The following PKHD1L1 variants were observed in gnomAD, a reference collection of about 807,000 sequenced individuals.
The protein encoded by PKHD1L1 is fibrocystin-L.
A neutral mutation model predicts 462.9 loss-of-function variants in PKHD1L1; 434 were observed. The ratio of observed to expected loss-of-function variants is 0.94; its 90% confidence interval spans 0.87 to 1.02. The LOEUF (loss-of-function observed/expected upper bound fraction) is 1.02. Among genes scored for constraint, PKHD1L1 ranks in the 50% least tolerant of loss-of-function variants. PKHD1L1 has a pLI of 0.00. For synonymous variants in PKHD1L1, 1,781 were observed against 1,750.0 expected, an observed-to-expected ratio of 1.02 and a Z score of -0.44; for missense variants, 5,202 against 5,096.1, an observed-to-expected ratio of 1.02 and a Z score of -0.63.
chr8:109,530,354 T>G lies in PKHD1L1; in HGVS notation c.*264T>G, dbSNP rs1011683698. The G allele has an allele frequency of 1.8e-5, 4 of 220,540 alleles. No individual in the cohort carries two copies. The East Asian group carries it at 4.1e-4, about 23-fold the overall frequency. 13.7% of individuals were successfully genotyped at this position (220,540 alleles called of 1,614,324 possible). A position where few individuals can be genotyped will look rare whatever the true frequency, so the allele number is the denominator to read the frequency against. ...CATTTGGAAGTAGATATGACACCTC[T>G]AAGTTATTGTACCAACAAATCATAG... On this transcript the variant is annotated 3_prime_UTR_variant, in exon 78 of 78. Transcript: ENST00000378402.
chr8:109,518,403 A>T lies in PKHD1L1; in HGVS notation c.11926A>T (p.Ser3976Cys), dbSNP rs1820381264. Residue 3976 changes from serine to cysteine, a missense_variant, in exon 73 of 78, where the codon AGC becomes TGC. This residue lies in a region of PKHD1L1 where 698 missense variants were observed against 736.3 expected (regional missense o/e 0.95). Transcript: ENST00000378402. ...GATACCAAGTGACAAAATCCGTATCAGCAAAATAAGAGGGAAGAGTCTGAG... is the reference window on the plus strand; with the variant it reads ...GATACCAAGTGACAAAATCCGTATCTGCAAAATAAGAGGGAAGAGTCTGAG... Reference protein sequence around the residue: ...LKIPSDKIRISKIRGKSLRRK... With the variant: ...LKIPSDKIRICKIRGKSLRRK... 1 of 1,613,076 alleles carries T rather than the reference A, an allele frequency of 6.2e-7. No individual in the cohort carries two copies. The highest frequency in any genetic ancestry group is 1.7e-5 in the Admixed American group (1 of 59,904).
chr8:109,466,875 T>C (rs1817469934), intron 50 of PKHD1L1, 106 bp downstream of exon 50: 3 of 998,104 alleles, frequency 3.0e-6, no homozygotes, highest in Admixed American at 5.6e-5. Flanking sequence ...TTGCAAAAAG[T>C]ATAACATTTA....
In PKHD1L1 at chr8:109,443,132, A is replaced by G; in HGVS notation, c.4564+16A>G. The G allele has an allele frequency of 6.2e-7, 1 of 1,611,416 alleles. No individual in the cohort carries two copies. The highest frequency in any genetic ancestry group is 8.5e-7 in the Non-Finnish European group (1 of 1,178,170). On this transcript the variant is annotated intron_variant, in intron 36 of 77. Transcript: ENST00000378402. ...TATGCTTATGGTAAGATGGTTAAAG[A>G]TGGAAACTCTGTTACACAGGTGACC...
At chr8:109,522,972 G>T (rs1198392827) in intron 75 of PKHD1L1, 82 bp downstream of exon 75, 3 of 1,376,164 alleles carry the variant, frequency 2.2e-6, no homozygotes, top group South Asian at 3.0e-5. Context: ...ACTCATCCTG[G>T]TGTGCTGGCA....
At chr8:109,478,005 T>C (rs1818081310) in intron 53 of PKHD1L1, among the ~76,000 whole-genome samples, 1 of 152,172 alleles carries the variant, frequency 6.6e-6, no homozygotes, top group South Asian at 2.1e-4. Flanking sequence ...CATTCAGTAT[T>C]AGTCTTTAAG....
intron 59 of PKHD1L1, among the ~76,000 whole-genome samples, chr8:109,487,109 T>G (rs954723622): frequency 1.9e-4 from 29 of 151,950 alleles, no homozygotes; most frequent in Admixed American, 1.9e-3. Flanking sequence ...GTACCACAGA[T>G]CATTTATTGT....
chr8:109,446,483 A>G (rs1816148243), intron 38 of PKHD1L1, among the ~76,000 whole-genome samples: 1 of 152,238 alleles, frequency 6.6e-6, no homozygotes, highest in Non-Finnish European at 1.5e-5. Context: ...TTTAATGAAG[A>G]ACTCATTAAA....
chr8:109,401,518 G>C lies in PKHD1L1; in HGVS notation c.1303G>C (p.Ala435Pro). 1 of 1,587,636 alleles carries C rather than the reference G, an allele frequency of 6.3e-7. No homozygotes were observed. Among genetic ancestry groups the C allele is most frequent in the Non-Finnish European group, 8.6e-7 (1 of 1,157,848 alleles). Residue 435 changes from alanine (A) to proline (P), a missense_variant, in exon 14 of 78, where the codon GCT (alanine) becomes CCT (proline). Around this residue, in one of 3 missense-constraint regions of PKHD1L1, gnomAD observed 4,497 missense variants for 4,336.8 expected, o/e 1.04. Transcript: ENST00000378402. ...EDKVRIAYHSANANSYFSSPT... is the reference protein window; with the variant it reads ...EDKVRIAYHSPNANSYFSSPT... ...TTAGGTGAGGATTGCATATCATTCT[G>C]CTAATGCCAACAGTTATTTTTCCAG...
rs1055765559 is a variant in PKHD1L1, at chr8:109,526,738, G to T, written c.12485-46G>T. The T allele has an allele frequency of 7.5e-6, 11 of 1,460,426 alleles. No individual in the cohort carries two copies. In the Admixed American group the frequency reaches 2.3e-4, roughly 31 times the overall value. The allele number at this position is 1,460,426 out of a possible 1,614,324, so 90.5% of individuals were successfully genotyped here. A position where few individuals can be genotyped will look rare whatever the true frequency, so the allele number is the denominator to read the frequency against. ...TCAAATGGGAACGGTATGAAAACAAGTAAAACATAAAGGAAATCAAACACT... is the reference window on the plus strand; with the variant it reads ...TCAAATGGGAACGGTATGAAAACAATTAAAACATAAAGGAAATCAAACACT... On this transcript the variant is annotated intron_variant, in intron 76 of 77. Transcript: ENST00000378402.
chr8:109,384,740 T>C (rs1812344999), intron 5 of PKHD1L1, among the ~76,000 whole-genome samples: 1 of 152,088 alleles, frequency 6.6e-6, no homozygotes, highest in South Asian at 2.1e-4. Context: ...GTACTATTTT[T>C]TCAAGAATTA....
At chr8:109,435,732 T>G (rs953131620) in intron 29 of PKHD1L1, among the ~76,000 whole-genome samples, 1 of 152,172 alleles carries the variant, frequency 6.6e-6, no homozygotes, top group Non-Finnish European at 1.5e-5. Context: ...GGGAACAAAC[T>G]GGGGAAAGGA....
rs1199990571 is a variant in PKHD1L1, at chr8:109,404,588, T to C, written c.1408T>C (p.Leu470=). Reference sequence around the variant, plus strand: ...TGAAATCTTGCTGCAGGAGTACAGATTAAGTGCATTTGTTGATGTTGGACT... The same window carrying C: ...TGAAATCTTGCTGCAGGAGTACAGACTAAGTGCATTTGTTGATGTTGGACT... ...YIEILLQEYR[L]SAFVDVGLYQ... is the part of the protein sequence containing the mutation. Residue 470 remains leucine, a synonymous_variant, in exon 15 of 78, where the codon TTA becomes CTA. Transcript: ENST00000378402. 3 of 1,591,202 alleles carry C rather than the reference T, an allele frequency of 1.9e-6. No individual in the cohort carries two copies. Among genetic ancestry groups the C allele is most frequent in the Non-Finnish European group, 2.6e-6 (3 of 1,167,868 alleles).
At chr8:109,523,207 A>G in intron 75 of PKHD1L1, 26 bp from the exon 76 acceptor site, 5 of 1,526,826 alleles carry the variant, frequency 3.3e-6, no homozygotes, top group Non-Finnish European at 4.4e-6. Flanking sequence ...AATTGTTATA[A>G]TTATCTACTT....
rs1187002115 is a variant in PKHD1L1 at position 109,448,208 on chromosome 8, G to A, written c.5842G>A (p.Val1948Met). 1.9e-6 allele frequency: 3 copies of A among 1,612,372 alleles called. No homozygotes were observed. Among genetic ancestry groups the A allele is most frequent in the South Asian group, 1.1e-5 (1 of 90,802 alleles). The change falls in exon 39 of 78, where the codon GTG becomes ATG. Residue 1948 changes from valine (V) to methionine (M), a missense_variant. Coordinates refer to ENST00000378402, the MANE Select transcript of PKHD1L1 (RefSeq NM_177531.6). ...NFGFEILEIS[V>M]MINNIQCNVT... ...TGGCTTTGAGATCTTGGAAATCTCCGTGATGATAAATAACATTCAGTGTAA... is the reference window on the plus strand; with the variant it reads ...TGGCTTTGAGATCTTGGAAATCTCCATGATGATAAATAACATTCAGTGTAA...
chr8:109,442,986 T>C lies in PKHD1L1; in HGVS notation c.4434T>C (p.Tyr1478=). The change falls in exon 36 of 78, where the codon TAT becomes TAC. Residue 1478 remains tyrosine, a synonymous_variant. Coordinates refer to ENST00000378402, the MANE Select transcript of PKHD1L1 (RefSeq NM_177531.6). ...AATTTACTTCTCCTGGAATCCATTA[T>C]TATAGCAGCGGGTATGTTGATGAGG... ...SYQFTSPGIH[Y]YSSGYVDEAH... 6.2e-7 allele frequency: 1 copy of C among 1,613,626 alleles called. No individual in the cohort carries two copies. Among genetic ancestry groups the C allele is most frequent in the South Asian group, 1.1e-5 (1 of 91,064 alleles).
chr8:109,476,532 C>A lies in PKHD1L1; in HGVS notation c.8782C>A (p.His2928Asn). 6.6e-7 allele frequency: 1 copy of A among 1,507,096 alleles called. No individual in the cohort carries two copies. The highest frequency in any genetic ancestry group is 9.1e-7 in the Non-Finnish European group (1 of 1,103,570). 93.4% of individuals were successfully genotyped at this position (1,507,096 alleles called of 1,614,324 possible). The change falls in exon 52 of 78, where the codon CAT becomes AAT. Residue 2928 changes from histidine to asparagine, a missense_variant. Coordinates refer to ENST00000378402, the MANE Select transcript of PKHD1L1 (RefSeq NM_177531.6). ...GGAAGAAGACTATGTAATTATATCACATAACTTCACTCAAAATCCTGACAT... is the reference window on the plus strand; with the variant it reads ...GGAAGAAGACTATGTAATTATATCAAATAACTTCACTCAAAATCCTGACAT... ...FKEEDYVIIS[H>N]NFTQNPDMFN...
chr8:109,425,418 T>C (rs1003476394), intron 24 of PKHD1L1, among the ~76,000 whole-genome samples, 186 bp downstream of exon 24: 3 of 151,768 alleles, frequency 2.0e-5, no homozygotes, highest in African/African-American at 7.2e-5. Flanking sequence ...TATTAATATA[T>C]ACCATATTAG....
chr8:109,383,403 G>GTATAATTATATATTATATATAATA (rs1563724245), intron 4 of PKHD1L1, among the ~76,000 whole-genome samples: 27 of 109,766 alleles, frequency 2.5e-4, no homozygotes, highest in African/African-American at 9.8e-4. Flanking sequence ...TATATATTAC[G>GTATAATTATATATTATATATAATA]TATAATTATA....
chr8:109,515,335 T>C, intron 72 of PKHD1L1, 30 bp downstream of exon 72: 1 of 1,423,732 alleles, frequency 7.0e-7, no homozygotes, highest in Non-Finnish European at 9.4e-7. Context: ...ACAGTACACA[T>C]GGAAAATGTA....
Sources: allele counts gnomAD v4.1 joint callset (sites outside exome capture counted in the v4.1 genomes callset), GRCh38; gene constraint gnomAD v4.1.1; regional missense constraint gnomAD v4.1.1; transcripts MANE v1.5; gene names NCBI Gene and HGNC (gene_info 2026-07-23, HGNC 2026-07-21).